NBPF9: variants seen among roughly 807,000 people sequenced by gnomAD.
NBPF9 encodes the protein NBPF family member NBPF9.
Under a neutral mutation model 97.8 loss-of-function variants are expected in NBPF9, and 91 were observed. The ratio of observed to expected loss-of-function variants is 0.93; its 90% confidence interval spans 0.79 to 1.11. The LOEUF (loss-of-function observed/expected upper bound fraction) is 1.11. Among genes scored for constraint, NBPF9 ranks in the 50% least tolerant of loss-of-function variants. The pLI is 0.00. For synonymous variants in NBPF9, 334 were observed against 359.5 expected (o/e 0.93, Z 0.80); for missense variants, 992 against 939.5 (o/e 1.06, Z -0.73).
intron 16 of NBPF9, among the ~76,000 whole-genome samples, chr1:149,070,714 A>T (rs1214365366): frequency 1.3e-5 from 2 of 152,056 alleles, no homozygotes; most frequent in Non-Finnish European, 2.9e-5. Flanking sequence ...TCAGGTGACT[A>T]TGAGATTGTC....
chr1:149,087,232 T>C (rs1335145801), intron 5 of NBPF9, among the ~76,000 whole-genome samples: 5 of 150,950 alleles, frequency 3.3e-5, no homozygotes, highest in African/African-American at 1.2e-4. Context: ...CGTATCAGAC[T>C]GCAATATATA....
chr1:149,095,530 T>A (rs1440659075), intron 4 of NBPF9, among the ~76,000 whole-genome samples: 13 of 145,888 alleles, frequency 8.9e-5, no homozygotes, highest in African/African-American at 2.8e-4. Flanking sequence ...AAAAAGCAAG[T>A]CACAGACTGG....
chr1:149,084,126 G>A (rs2080768885), intron 5 of NBPF9, among the ~76,000 whole-genome samples: 2 of 150,598 alleles, frequency 1.3e-5, no homozygotes, highest in African/African-American at 4.9e-5. Flanking sequence ...CACAGGACGG[G>A]GAACATCACA....
intron 11 of NBPF9, among the ~76,000 whole-genome samples, chr1:149,076,196 CT>C (rs1230097332): frequency 1.3e-5 from 2 of 151,506 alleles, no homozygotes; most frequent in East Asian, 3.9e-4. Flanking sequence ...TAATTTTTTT[CT>C]TTTTTGGTTT....
chr1:149,069,727 A>T, intron 16 of NBPF9, 82 bp from the exon 17 acceptor site: 1 of 901,836 alleles, frequency 1.1e-6, no homozygotes, highest in Non-Finnish European at 1.8e-6. Context: ...GTCATAGCCA[A>T]GGACATAACT....
At chr1:149,079,103 G>T (rs2080168398) in exon 9 of NBPF9, 1 of 1,287,330 alleles carries the variant, frequency 7.8e-7, no homozygotes, top group African/African-American at 1.5e-5. Context: ...GGCTCATCCG[G>T]AGTGAGGAGG....
chr1:149,085,454 T>C (rs1324917123), intron 5 of NBPF9, among the ~76,000 whole-genome samples: 7 of 152,282 alleles, frequency 4.6e-5, no homozygotes, highest in Admixed American at 1.3e-4. Flanking sequence ...GGTTCTTTGA[T>C]TTTCAAATAC....
At chr1:149,082,343 G>A (rs1483289911) in exon 6 of NBPF9, 14 of 1,535,846 alleles carry the variant, frequency 9.1e-6, no homozygotes, top group Non-Finnish European at 1.1e-5. Context: ...AAGGTTTGAG[G>A]TGCCTCAACT....
intron 14 of NBPF9, among the ~76,000 whole-genome samples, chr1:149,072,185 C>T (rs1168842172): frequency 2.0e-5 from 3 of 151,224 alleles, no homozygotes; most frequent in Non-Finnish European, 2.9e-5. Context: ...CCACAAAACG[C>T]CCCCACATAA....
chr1:149,095,760 G>A (rs587693051), intron 4 of NBPF9, among the ~76,000 whole-genome samples: 70 of 152,136 alleles, frequency 4.6e-4, no homozygotes, highest in African/African-American at 1.6e-3. Context: ...AGATATCACT[G>A]TAAACCTATC....
chr1:149,054,759 AC>A (rs1485157233), exon 30 of NBPF9: 2 of 152,012 alleles, frequency 1.3e-5, no homozygotes, highest in Non-Finnish European at 2.9e-5. Context: ...TTATCTTTTT[AC>A]TTTTTTTGAA....
intron 3 of NBPF9, among the ~76,000 whole-genome samples, chr1:149,100,000 G>T (rs1553245602): frequency 6.8e-6 from 1 of 146,748 alleles, no homozygotes; most frequent in African/African-American, 2.5e-5. Context: ...AAAAAAAAAT[G>T]GTTCGATGTA....
chr1:149,064,035 C>CACACACACACAA (rs1357284871), intron 19 of NBPF9, among the ~76,000 whole-genome samples: 1 of 133,018 alleles, frequency 7.5e-6, no homozygotes, highest in Non-Finnish European at 1.6e-5. Context: ...CACACACACA[C>CACACACACACAA]ACAGAGCGAG....
chr1:149,103,420 C>T (rs1441243573), exon 1 of NBPF9: 1 of 152,378 alleles, frequency 6.6e-6, no homozygotes, highest in Non-Finnish European at 1.5e-5. Flanking sequence ...TTCCCAAAAG[C>T]ACCGCGTTCA....
chr1:149,103,120 C>T (rs28394053), intron 1 of NBPF9, among the ~76,000 whole-genome samples, 181 bp downstream of exon 1: 10 of 151,978 alleles, frequency 6.6e-5, no homozygotes, highest in Non-Finnish European at 1.0e-4. Context: ...CAGCGGCAAG[C>T]GAGGAATCGA....
intron 17 of NBPF9, among the ~76,000 whole-genome samples, chr1:149,067,256 T>G (rs2079087224): frequency 8.0e-6 from 1 of 125,484 alleles, no homozygotes; most frequent in Non-Finnish European, 1.7e-5. Context: ...AACATTCTTT[T>G]TTTTTTCCAT....
At position 149,059,239 on chromosome 1, in the gene NBPF9, T is replaced by A; in HGVS notation, c.2586-142A>T. On this transcript the variant is annotated intron_variant, in intron 25 of 29. Transcript: ENST00000584027. The stretch of plus-strand genomic sequence containing the variant: ...TAATGAGGTAATGAATTATTGCCTT[T>A]AGGTTGGGATAGACCAGGGCCAGGT... The A allele has an allele frequency of 8.9e-6, 4 of 451,904 alleles. 1 individual carries two copies. Among genetic ancestry groups the A allele is most frequent in the African/African-American group, 2.6e-5 (1 of 38,600 alleles). The allele number at this position is 451,904 out of a possible 1,614,324, so 28.0% of individuals were successfully genotyped here.
chr1:149,057,753 A>T lies in NBPF9; in HGVS notation c.2811-246T>A, dbSNP rs1282422172. On this transcript the variant is annotated intron_variant, in intron 27 of 29. Transcript: ENST00000584027. ...CACACACACACACACACACACACAC[A>T]GAGAGAGAGAGAGAGAGAGAGAACG... is the stretch of plus-strand genomic sequence containing the variant. Among the ~76,000 whole-genome samples the T allele has an allele frequency of 2.8e-3, 223 of 80,058 alleles. 1 individual carries two copies. The highest frequency in any genetic ancestry group is 7.4e-3 in the African/African-American group (138 of 18,598). The allele number at this position is 80,058 out of a possible 152,430, so 52.5% of individuals were successfully genotyped here. A position where few individuals can be genotyped will look rare whatever the true frequency, so the allele number is the denominator to read the frequency against.
chr1:149,061,354 C>G, exon 23 of NBPF9: 1 of 395,954 alleles, frequency 2.5e-6, no homozygotes, highest in Non-Finnish European at 4.6e-6. Flanking sequence ...GGGCCTTGGT[C>G]TTCTTCCTCT....
Sources: gnomAD v4.1 joint callset for allele counts (sites outside exome capture counted in the v4.1 genomes callset) on GRCh38, gnomAD v4.1.1 for gene constraint, MANE v1.5 for transcripts, NCBI Gene and HGNC (gene_info 2026-07-23, HGNC 2026-07-21) for gene names.